ACBD4: variants seen among roughly 807,000 people sequenced by gnomAD.
The protein encoded by ACBD4 is acyl-CoA-binding domain-containing protein 4.
ACBD4 carries 41 observed loss-of-function variants against 46.0 expected under a neutral mutation model. The ratio of observed to expected loss-of-function variants is 0.89; its 90% CI spans 0.69 to 1.16. ACBD4 has a LOEUF of 1.16. ACBD4 is among the 50% of genes most tolerant of loss of function. The pLI, the probability that ACBD4 is intolerant of heterozygous loss-of-function variation, is 0.00. For synonymous variants in ACBD4, 162 were observed against 155.9 expected (o/e 1.04, Z -0.29); for missense variants, 393 against 399.5 (o/e 0.98, Z 0.14).
upstream of ACBD4, among the ~76,000 whole-genome samples, chr17:45,134,745 C>G (rs989449215): frequency 1.3e-5 from 2 of 151,782 alleles, no homozygotes; most frequent in African/African-American, 2.4e-5. Context: ...CCACTGCACT[C>G]CAGCCCGGGA....
At chr17:45,136,080 C>T in intron 1 of ACBD4, 28 bp from the exon 2 acceptor site, 1 of 1,550,992 alleles carries the variant, frequency 6.4e-7, no homozygotes, top group Middle Eastern at 1.8e-4. Flanking sequence ...CCCTGGAGGC[C>T]CCCTCACACG....
In ACBD4 at chr17:45,137,969, C is replaced by T. The variant is rs1427388979; in HGVS notation, c.630C>T (p.Pro210=). Residue 210 remains proline, a synonymous_variant, in exon 8 of 10, where the codon CCC becomes CCT. Transcript: ENST00000321854. ...SGGKRDPRNS[P]VPPTKKEGLR... is the part of the protein sequence containing the mutation. The stretch of plus-strand genomic sequence containing the variant: ...GAAAGCGTGATCCCAGGAACAGCCC[C>T]GTGCCCCCCACAAAGAAAGGTGAGC... The T allele has an allele frequency of 1.3e-5, 21 of 1,613,588 alleles. No individual in the cohort carries two copies. Among genetic ancestry groups the T allele is most frequent in the African/African-American group, 2.7e-5 (2 of 74,922 alleles).
chr17:45,142,410 A>G (rs1036919987), intron 9 of ACBD4, among the ~76,000 whole-genome samples: 7 of 149,434 alleles, frequency 4.7e-5, no homozygotes, highest in African/African-American at 1.7e-4. Context: ...AAAAAAAAAA[A>G]AAAAAAAAAG....
rs1289110869 is a variant in ACBD4 at position 45,137,086 on chromosome 17, A to G, written c.362A>G (p.Gln121Arg). The change falls in exon 5 of 10, where the codon CAG becomes CGG. Residue 121 changes from glutamine to arginine, a missense_variant. Physicochemically the swap from Gln to Arg is conservative, Grantham distance 43. Around this residue, in one of 3 missense-constraint regions of ACBD4, gnomAD observed 308 missense variants for 301.8 expected, o/e 1.02. Transcript: ENST00000321854. ...TTTGGTTACTTCGAGCCCCTGTACC[A>G]GGTGATCCCTGACATGCCGAGGCCC... ...DMFGYFEPLY[Q>R]VIPDMPRPPE... The G allele has an allele frequency of 1.2e-6, 2 of 1,614,008 alleles. No individual in the cohort carries two copies. Among genetic ancestry groups the G allele is most frequent in the Non-Finnish European group, 8.5e-7 (1 of 1,180,022 alleles).
chr17:45,143,388 G>A (rs2143974441), intron 9 of ACBD4, 55 bp from the exon 10 acceptor site: 1 of 1,430,850 alleles, frequency 7.0e-7, no homozygotes, highest in Admixed American at 2.4e-5. Context: ...CAGGTTCCTA[G>A]GGAGGCTGTG....
intron 2 of ACBD4, 112 bp from the exon 3 acceptor site, chr17:45,136,388 C>T (rs1017213313): frequency 3.4e-5 from 50 of 1,464,748 alleles, no homozygotes; most frequent in Non-Finnish European, 4.5e-5. Context: ...GTCCAGATGC[C>T]CTGGGTGGGA....
At chr17:45,140,811 C>T (rs948911377) in intron 9 of ACBD4, among the ~76,000 whole-genome samples, 2 of 151,882 alleles carry the variant, frequency 1.3e-5, no homozygotes, top group African/African-American at 4.8e-5. Context: ...TCAGGAGTTC[C>T]AGACCAGCCT....
chr17:45,133,473 C>G (rs2054573825), upstream of ACBD4: 1 of 147,832 alleles, frequency 6.8e-6, no homozygotes, highest in Non-Finnish European at 1.5e-5. Flanking sequence ...CCCAGAGATT[C>G]TGCACACTGG....
intron 9 of ACBD4, among the ~76,000 whole-genome samples, chr17:45,139,929 T>G (rs2055158180): frequency 6.6e-6 from 1 of 152,172 alleles, no homozygotes; most frequent in Non-Finnish European, 1.5e-5. Flanking sequence ...GTGGCCCCTA[T>G]TCTGTCTCCC....
At chr17:45,137,185 C>CT (rs766180556) in intron 5 of ACBD4, 46 bp downstream of exon 5, 5 of 1,612,694 alleles carry the variant, frequency 3.1e-6, no homozygotes, top group Middle Eastern at 1.6e-4. Context: ...AGTGAACCGT[C>CT]TTAGGTCTAG....
At position 45,143,498 on chromosome 17, in the gene ACBD4, C is replaced by A. The variant is rs749490319; in HGVS notation, c.845C>A (p.Ala282Glu). 3 of 1,613,698 alleles carry A rather than the reference C, an allele frequency of 1.9e-6. No homozygotes were observed. The South Asian group carries it at 3.3e-5, about 18-fold the overall frequency. Residue 282 changes from alanine (A) to glutamate (E), a missense_variant, in exon 10 of 10, where the codon GCG becomes GAG. This residue lies in a region of ACBD4 where 308 missense variants were observed against 301.8 expected (regional missense o/e 1.02). Coordinates refer to ENST00000321854, the MANE Select transcript of ACBD4 (RefSeq NM_001135705.3). Reference sequence around the variant, plus strand: ...TGGCCCCTTGGGCTCCCGGGGCCCGCGCTGCTCTTCTTCCTCCTGTGGCCC... The same window carrying A: ...TGGCCCCTTGGGCTCCCGGGGCCCGAGCTGCTCTTCTTCCTCCTGTGGCCC... ...RPWPLGLPGPALLFFLLWPFV... is the reference protein window; with the variant it reads ...RPWPLGLPGPELLFFLLWPFV...
In ACBD4 at chr17:45,136,173, C is replaced by T; in HGVS notation, c.29C>T (p.Pro10Leu). 1 of 1,613,750 alleles carries T rather than the reference C, an allele frequency of 6.2e-7. No individual in the cohort carries two copies. Among genetic ancestry groups the T allele is most frequent in the South Asian group, 1.1e-5 (1 of 91,056 alleles). ...GGCACCGAGAAAGAAAGCCCAGAGC[C>T]CGACTGCCAGAAACAGTTCCAGGCT... Reference protein sequence around the residue: MGTEKESPEPDCQKQFQAAV... With the variant: MGTEKESPELDCQKQFQAAV... Residue 10 changes from proline to leucine, a missense_variant, in exon 2 of 10, where the codon CCC (proline) becomes CTC (leucine). Pro to Leu is a moderately conservative substitution (Grantham distance 98). Transcript: ENST00000321854.
chr17:45,136,062 C>CG (rs2054803176), intron 1 of ACBD4, 46 bp from the exon 2 acceptor site: 3 of 1,418,826 alleles, frequency 2.1e-6, no homozygotes, highest in Non-Finnish European at 2.9e-6. Flanking sequence ...CTTATGGTGC[C>CG]GGGGGGACCC....
chr17:45,136,641 G>A, intron 3 of ACBD4, 21 bp downstream of exon 3: 2 of 1,613,850 alleles, frequency 1.2e-6, no homozygotes, highest in Admixed American at 3.3e-5. Flanking sequence ...TGCTGGCTGG[G>A]CAGACAAGCC....
intron 8 of ACBD4, 159 bp downstream of exon 8, chr17:45,138,147 AC>A (rs1439173472): frequency 2.5e-6 from 2 of 788,874 alleles, no homozygotes; most frequent in East Asian, 5.4e-5. Flanking sequence ...CCAGCCAGAT[AC>A]CTGCCTGGAT....
At position 45,137,760 on chromosome 17, in the gene ACBD4, A is replaced by G; in HGVS notation, c.503A>G (p.Glu168Gly). 1 of 1,613,974 alleles carries G rather than the reference A, an allele frequency of 6.2e-7. No homozygotes were observed. Among genetic ancestry groups the G allele is most frequent in the Non-Finnish European group, 8.5e-7 (1 of 1,180,004 alleles). Residue 168 changes from glutamate to glycine, a missense_variant and splice_region_variant, in exon 7 of 10, where the codon GAG becomes GGG. Transcript: ENST00000321854. ...LPKEPAPPSP[E>G]SHSPRDLDSE... ...AGTAACTCTACCAACCCCTCCACAG[A>G]GTCCCATTCACCCAGGGACCTGGAC...
chr17:45,132,518 A>C, upstream of ACBD4: 1 of 455,596 alleles, frequency 2.2e-6, no homozygotes. The surrounding 1 kb of genome is among the most constrained non-coding windows in gnomAD (Gnocchi z 4.6). Context: ...GAGCGAAGAA[A>C]CTTAGCGGCG....
At chr17:45,134,670 G>A (rs1182668023), upstream of ACBD4, among the ~76,000 whole-genome samples, 5 of 151,990 alleles carry the variant, frequency 3.3e-5, no homozygotes, top group Admixed American at 6.6e-5. Context: ...CCAGTTGCTC[G>A]GGAGGCTGAG....
rs775354477 is a variant in ACBD4, at chr17:45,136,979, A to C, written c.295-40A>C. The C allele has an allele frequency of 3.7e-6, 6 of 1,612,744 alleles. No homozygotes were observed. The South Asian group carries it at 6.6e-5, about 18-fold the overall frequency. The stretch of plus-strand genomic sequence containing the variant: ...AGGGCAGGAGCAGGGAGGAAGGGAC[A>C]GGAGGCCACTCCGTCCCCAACAGAC... On this transcript the variant is annotated intron_variant, in intron 4 of 9. Coordinates refer to ENST00000321854, the MANE Select transcript of ACBD4 (RefSeq NM_001135705.3).
Sources: gnomAD v4.1 joint callset for allele counts (sites outside exome capture counted in the v4.1 genomes callset) on GRCh38, gnomAD v4.1.1 for gene constraint, gnomAD v4.1.1 regional missense constraint, Gnocchi (gnomAD v3.1) non-coding constraint, MANE v1.5 for transcripts, NCBI Gene and HGNC (gene_info 2026-07-23, HGNC 2026-07-21) for gene names.